TMCO6: variants seen among roughly 807,000 people sequenced by gnomAD.
TMCO6 encodes transmembrane and coiled-coil domain-containing protein 6.
TMCO6 carries 47 observed loss-of-function variants against 61.8 expected under a neutral mutation model. That is an observed-to-expected ratio of 0.76 (90% CI 0.60 to 0.97). The LOEUF (loss-of-function observed/expected upper bound fraction) is 0.97, where lower values mean the gene tolerates loss of function less well. Among genes scored for constraint, TMCO6 ranks in the 50% least tolerant of loss-of-function variants. The pLI is 0.00. For synonymous variants in TMCO6, 261 were observed against 254.2 expected (o/e 1.03, Z -0.25); for missense variants, 557 against 601.6 (o/e 0.93, Z 0.78).
chr5:140,632,495 CT>C, the TMCO6 span: 1 of 1,614,006 alleles, frequency 6.2e-7, no homozygotes, highest in African/African-American at 1.3e-5. The surrounding 1 kb of genome is among the most constrained non-coding windows in gnomAD (Gnocchi z 6.2). Flanking sequence ...ACTGCTGCAG[CT>C]CGGCGAGCCA....
chr5:140,638,397 T>C (rs1653544761), upstream of TMCO6, among the ~76,000 whole-genome samples: 1 of 152,200 alleles, frequency 6.6e-6, no homozygotes, highest in South Asian at 2.1e-4. Flanking sequence ...CTGGTACTGA[T>C]AACGTCTTGT....
At chr5:140,646,009 C>CTTTT, downstream of TMCO6, among the ~76,000 whole-genome samples, 1 of 124,114 alleles carries the variant, frequency 8.1e-6, no homozygotes, top group Non-Finnish European at 1.7e-5. Context: ...CATTCTCTCT[C>CTTTT]TTTTTTTTTT....
the TMCO6 span, among the ~76,000 whole-genome samples, chr5:140,597,148 T>C: frequency 1.3e-5 from 2 of 152,186 alleles, no homozygotes; most frequent in Non-Finnish European, 2.9e-5. Context: ...CCACATTTGG[T>C]GTAGCATTTA....
Position 140,645,030 on chromosome 5 carries a change from A to C in TMCO6, c.1414A>C (p.Arg472=). 6.2e-7 allele frequency: 1 copy of C among 1,614,224 alleles called. No homozygotes were observed. The highest frequency in any genetic ancestry group is 1.1e-5 in the South Asian group (1 of 91,084). The change falls in exon 12 of 12, where the codon AGG becomes CGG. Residue 472 remains arginine (R), a synonymous_variant. Transcript: ENST00000394671. ...LQQSGLQALE[R]HQEEAQLQDR... ...GCAGTCAGGGCTGCAAGCCCTGGAAAGGCATCAGGAAGAGGCCCAGCTCCA... is the reference window on the plus strand; with the variant it reads ...GCAGTCAGGGCTGCAAGCCCTGGAACGGCATCAGGAAGAGGCCCAGCTCCA...
upstream of TMCO6, among the ~76,000 whole-genome samples, chr5:140,638,570 T>C (rs942542539): frequency 2.0e-5 from 3 of 147,250 alleles, no homozygotes; most frequent in Non-Finnish European, 3.0e-5. Context: ...TCTTTCTTTT[T>C]TTTTTTTTTG....
the TMCO6 span, among the ~76,000 whole-genome samples, chr5:140,630,860 C>T: frequency 2.6e-5 from 4 of 152,194 alleles, no homozygotes; most frequent in Non-Finnish European, 4.4e-5. Context: ...TATGCCTCCT[C>T]CCACCTTTCT....
At chr5:140,623,499 A>G in the TMCO6 span, among the ~76,000 whole-genome samples, 5 of 152,152 alleles carry the variant, frequency 3.3e-5, no homozygotes, top group Non-Finnish European at 7.3e-5. Context: ...GCACCTAAAT[A>G]ATTAATAAAT....
At chr5:140,631,891 G>C in the TMCO6 span, 1 of 1,588,240 alleles carries the variant, frequency 6.3e-7, no homozygotes, top group Middle Eastern at 1.7e-4. Context: ...AGCAGCACCA[G>C]GGTTCCCGAC....
chr5:140,635,128 T>G (rs568528336), upstream of TMCO6, among the ~76,000 whole-genome samples: 165 of 152,308 alleles, frequency 1.1e-3, 2 homozygotes, highest in African/African-American at 3.8e-3. Flanking sequence ...GAGAAAGAAG[T>G]AGCTGCAGAT....
chr5:140,642,758 T>C (rs1757120841), intron 6 of TMCO6, 87 bp downstream of exon 6: 1 of 1,581,316 alleles, frequency 6.3e-7, no homozygotes, highest in Non-Finnish European at 8.7e-7. Flanking sequence ...TCCAAAGCTG[T>C]TGCACATTTT....
At chr5:140,620,089 G>A in the TMCO6 span, among the ~76,000 whole-genome samples, 8 of 152,318 alleles carry the variant, frequency 5.3e-5, no homozygotes, top group Admixed American at 1.3e-4. Context: ...GGTGTTTACA[G>A]CAGCTTTATT....
chr5:140,624,306 A>G, the TMCO6 span, among the ~76,000 whole-genome samples: 5,042 of 151,814 alleles, frequency 0.033, 238 homozygotes, highest in African/African-American at 0.11. Flanking sequence ...CGGAGGTTGC[A>G]GGAGCCGAGA....
chr5:140,597,550 G>T, the TMCO6 span, among the ~76,000 whole-genome samples: 1 of 152,108 alleles, frequency 6.6e-6, no homozygotes, highest in Non-Finnish European at 1.5e-5. Context: ...CATAATATTG[G>T]ATTTCCCTAA....
intron 11 of TMCO6, 103 bp from the exon 12 acceptor site, chr5:140,644,882 G>A: frequency 7.3e-6 from 11 of 1,497,854 alleles, no homozygotes; most frequent in Non-Finnish European, 9.2e-6. Flanking sequence ...TCATCCTCTT[G>A]TTGGGGAATG....
the TMCO6 span, among the ~76,000 whole-genome samples, chr5:140,619,184 T>C: frequency 2.0e-5 from 3 of 152,164 alleles, no homozygotes; most frequent in African/African-American, 7.2e-5. Flanking sequence ...GACACCTCAC[T>C]GAGGAAAATA....
At chr5:140,614,261 C>A in the TMCO6 span, among the ~76,000 whole-genome samples, 2 of 152,088 alleles carry the variant, frequency 1.3e-5, no homozygotes. Context: ...GTAATCCCAG[C>A]ACTTTGGGAG....
At chr5:140,647,309 G>T, downstream of TMCO6, 1 of 1,591,312 alleles carries the variant, frequency 6.3e-7, no homozygotes, top group Non-Finnish European at 8.6e-7. Context: ...GATTAGGATG[G>T]GTAGGTCGGG....
chr5:140,636,106 C>T (rs1482692918), upstream of TMCO6, among the ~76,000 whole-genome samples: 1 of 152,190 alleles, frequency 6.6e-6, no homozygotes, highest in African/African-American at 2.4e-5. Context: ...TCAAGCGAGT[C>T]TCCTGCCTCA....
At chr5:140,619,949 C>A in the TMCO6 span, among the ~76,000 whole-genome samples, 1 of 152,210 alleles carries the variant, frequency 6.6e-6, no homozygotes, top group Non-Finnish European at 1.5e-5. Flanking sequence ...GGTGGAAATG[C>A]AAAATGGTAT....
Sources: allele counts gnomAD v4.1 joint callset (sites outside exome capture counted in the v4.1 genomes callset), GRCh38; gene constraint gnomAD v4.1.1; non-coding constraint Gnocchi (gnomAD v3.1); transcripts MANE v1.5; gene names NCBI Gene and HGNC (gene_info 2026-07-23, HGNC 2026-07-21).